The following TET1 variants were observed in gnomAD, a reference collection of about 807,000 sequenced individuals.
TET1 encodes the protein methylcytosine dioxygenase TET1.
A neutral mutation model predicts 148.7 loss-of-function variants in TET1; 13 were observed. The observed-to-expected ratio is 0.09, with a 90% confidence interval of 0.06 to 0.14. TET1 has a LOEUF of 0.14. Among genes scored for constraint, TET1 ranks in the 10% least tolerant of loss-of-function variants. The probability of loss-of-function intolerance (pLI) is 1.00; values close to 1 mark genes in which losing one functional copy is unlikely to be tolerated. For synonymous variants in TET1, 907 were observed against 937.2 expected, an observed-to-expected ratio of 0.97 and a Z score of 0.59; for missense variants, 2,182 against 2,553.8, an observed-to-expected ratio of 0.85 and a Z score of 3.14.
chr10:68,620,243 G>C (rs1337000455), intron 3 of TET1, among the ~76,000 whole-genome samples: 5 of 152,150 alleles, frequency 3.3e-5, no homozygotes. Context: ...TCACCAATGT[G>C]CATCTATCAT....
chr10:68,622,128 T>A (rs61671032), intron 3 of TET1, among the ~76,000 whole-genome samples: 51 of 152,218 alleles, frequency 3.4e-4, no homozygotes, highest in Admixed American at 9.2e-4. Context: ...ACGAATGTCC[T>A]TTTTTGGGTG....
Position 68,573,225 on chromosome 10 carries a change from G to C in TET1, c.887G>C (p.Cys296Ser). 6.2e-7 allele frequency: 1 copy of C among 1,613,858 alleles called. No individual in the cohort carries two copies. Reference sequence around the variant, plus strand: ...GATCCCATTAAAAGTGAACATGATTGCTACCCCACCTCCAGTCTTAATAAG... The same window carrying C: ...GATCCCATTAAAAGTGAACATGATTCCTACCCCACCTCCAGTCTTAATAAG... ...YLDPIKSEHD[C>S]YPTSSLNKVI... The change falls in exon 2 of 12, where the codon TGC becomes TCC. Residue 296 changes from cysteine to serine, a missense_variant. Cys to Ser is a moderately radical substitution (Grantham distance 112). Around this residue, in one of 11 missense-constraint regions of TET1, gnomAD observed 665 missense variants for 672.4 expected, o/e 0.99. Coordinates refer to ENST00000373644, the MANE Select transcript of TET1 (RefSeq NM_030625.3).
chr10:68,678,185 C>G (rs917775595), intron 8 of TET1, among the ~76,000 whole-genome samples: 1 of 152,168 alleles, frequency 6.6e-6, no homozygotes, highest in African/African-American at 2.4e-5. Flanking sequence ...GATGAGCCAA[C>G]CATCTATGAG....
chr10:68,677,665 T>C (rs1458784733), intron 8 of TET1, among the ~76,000 whole-genome samples: 2 of 152,104 alleles, frequency 1.3e-5, no homozygotes, highest in Non-Finnish European at 1.5e-5. Context: ...ATTTTTTTAA[T>C]TGAGACGGAG....
chr10:68,667,159 C>T lies in TET1; in HGVS notation c.4576C>T (p.Pro1526Ser), dbSNP rs2055205834. The change falls in exon 7 of 12, where the codon CCT (proline) becomes TCT (serine). Residue 1526 changes from proline to serine, a missense_variant. Transcript: ENST00000373644. ...GCTCATCATGGTGTGGGATGGCATC[C>T]CTCTTCCAATGGCCGACCGGCTATA... is the stretch of plus-strand genomic sequence containing the variant. ...VVLIMVWDGIPLPMADRLYTE... is the reference protein window; with the variant it reads ...VVLIMVWDGISLPMADRLYTE... 6.2e-7 allele frequency: 1 copy of T among 1,613,974 alleles called. No homozygotes were observed. The highest frequency in any genetic ancestry group is 8.5e-7 in the Non-Finnish European group (1 of 1,180,038).
intron 3 of TET1, 144 bp from the exon 4 acceptor site, chr10:68,644,554 T>C: frequency 1.3e-6 from 1 of 760,790 alleles, no homozygotes. Flanking sequence ...ATTTTATGAC[T>C]TCGCTGAATG....
At chr10:68,568,078 A>G (rs1184810702) in intron 1 of TET1, among the ~76,000 whole-genome samples, 3 of 151,998 alleles carry the variant, frequency 2.0e-5, no homozygotes, top group Admixed American at 6.6e-5. Flanking sequence ...GAATTTCTCC[A>G]TGTTGGTCAA....
intron 2 of TET1, among the ~76,000 whole-genome samples, chr10:68,584,338 G>A (rs768185177): frequency 1.4e-4 from 21 of 151,458 alleles, no homozygotes; most frequent in Middle Eastern, 3.2e-3. Context: ...CACTGCGCCC[G>A]GCCATGAGTG....
chr10:68,624,987 G>T (rs1170945969), intron 3 of TET1, among the ~76,000 whole-genome samples: 1 of 151,874 alleles, frequency 6.6e-6, no homozygotes, highest in African/African-American at 2.4e-5. Flanking sequence ...GCCCGCCTCG[G>T]CCTCCCAAAG....
intron 2 of TET1, among the ~76,000 whole-genome samples, chr10:68,589,292 C>G (rs2053893110): frequency 1.3e-5 from 2 of 151,916 alleles, no homozygotes; most frequent in Non-Finnish European, 2.9e-5. Flanking sequence ...CAGGAGGTTT[C>G]TCCCAGATTA....
intron 6 of TET1, among the ~76,000 whole-genome samples, chr10:68,659,222 T>C (rs1413508200): frequency 6.6e-6 from 1 of 152,222 alleles, no homozygotes; most frequent in Non-Finnish European, 1.5e-5. Context: ...GATGGCCTCA[T>C]TGGCCCCAAT....
At chr10:68,628,768 T>C (rs1463309215) in intron 3 of TET1, among the ~76,000 whole-genome samples, 1 of 152,184 alleles carries the variant, frequency 6.6e-6, no homozygotes, top group Non-Finnish European at 1.5e-5. Context: ...TGAAATAGCA[T>C]TTGGCAAGGC....
chr10:68,622,149 T>C (rs1479820081), intron 3 of TET1, among the ~76,000 whole-genome samples: 2 of 151,602 alleles, frequency 1.3e-5, no homozygotes, highest in African/African-American at 2.4e-5. Context: ...CAGGATTCCA[T>C]ATAGGATACC....
intron 3 of TET1, among the ~76,000 whole-genome samples, chr10:68,629,742 T>C (rs2054540753): frequency 6.6e-6 from 1 of 152,088 alleles, no homozygotes; most frequent in Non-Finnish European, 1.5e-5. Flanking sequence ...TTCACCATGT[T>C]GGCCAGGATG....
Position 68,645,145 on chromosome 10 carries a change from T to G in TET1, c.2416T>G (p.Ser806Ala). 1 of 1,614,102 alleles carries G rather than the reference T, an allele frequency of 6.2e-7. No homozygotes were observed. Among genetic ancestry groups the G allele is most frequent in the Non-Finnish European group, 8.5e-7 (1 of 1,179,928 alleles). Residue 806 changes from serine to alanine, a missense_variant, in exon 4 of 12, where the codon TCT becomes GCT. This residue lies in a region of TET1 where 226 missense variants were observed against 307.4 expected (regional missense o/e 0.74). Coordinates refer to ENST00000373644, the MANE Select transcript of TET1 (RefSeq NM_030625.3). ...DTANHKNAMSSVATDMSCDHL... is the reference protein window; with the variant it reads ...DTANHKNAMSAVATDMSCDHL... ...TGCAAACCATAAAAACGCTATGAGC[T>G]CTGTTGCTACTGATATGAGTTGTGA...
At chr10:68,688,217 C>T (rs572567979) in intron 11 of TET1, among the ~76,000 whole-genome samples, 243 of 152,148 alleles carry the variant, frequency 1.6e-3, no homozygotes, top group Middle Eastern at 6.8e-3. Flanking sequence ...CCTGCCTCAG[C>T]CTCCCGAGTA....
At chr10:68,680,328 T>G (rs1356355487) in intron 8 of TET1, among the ~76,000 whole-genome samples, 1 of 152,208 alleles carries the variant, frequency 6.6e-6, no homozygotes. Context: ...CCCTGTTTAG[T>G]CCATGTTCTC....
chr10:68,678,532 T>C (rs1329948311), intron 8 of TET1, among the ~76,000 whole-genome samples: 1 of 152,076 alleles, frequency 6.6e-6, no homozygotes, highest in Non-Finnish European at 1.5e-5. Flanking sequence ...GGTGGATCAC[T>C]TGAGGTCAGG....
chr10:68,593,913 C>CTTTTT (rs1220816232), intron 2 of TET1, among the ~76,000 whole-genome samples: 28 of 55,928 alleles, frequency 5.0e-4, no homozygotes, highest in South Asian at 1.5e-3. Flanking sequence ...TGCGCCTGAG[C>CTTTTT]TATTTTTTTT....
Sources: allele counts gnomAD v4.1 joint callset (sites outside exome capture counted in the v4.1 genomes callset), GRCh38; gene constraint gnomAD v4.1.1; regional missense constraint gnomAD v4.1.1; transcripts MANE v1.5; gene names NCBI Gene and HGNC (gene_info 2026-07-23, HGNC 2026-07-21).